The following AFAP1 variants were observed in gnomAD, a reference collection of about 807,000 sequenced individuals.
AFAP1 encodes actin filament associated protein 1, also known as actin filament-associated protein 1.
A neutral mutation model predicts 93.9 loss-of-function variants in AFAP1; 75 were observed. That is an observed-to-expected ratio of 0.80 (90% CI 0.66 to 0.97). AFAP1 has a LOEUF of 0.97. Ranked by LOEUF, AFAP1 falls within the 50% of genes least tolerant of loss-of-function variation. The pLI is 0.00. For synonymous variants in AFAP1, 517 were observed against 430.7 expected (o/e 1.20, Z -2.48); for missense variants, 1,201 against 1,050.8 (o/e 1.14, Z -1.98).
chr4:7,805,193 G>A (rs1406262820), intron 9 of AFAP1, among the ~76,000 whole-genome samples: 1 of 152,162 alleles, frequency 6.6e-6, no homozygotes, highest in Non-Finnish European at 1.5e-5. Context: ...ATGCTACAGT[G>A]CCTGGCTTCG....
At chr4:7,838,393 A>T in intron 6 of AFAP1, 131 bp downstream of exon 6, 1 of 1,087,930 alleles carries the variant, frequency 9.2e-7, no homozygotes, top group Non-Finnish European at 1.3e-6. Flanking sequence ...TTTAGCTATT[A>T]AAGACAAAAC....
chr4:7,787,247 C>T (rs1046582109), intron 11 of AFAP1, among the ~76,000 whole-genome samples: 9 of 152,216 alleles, frequency 5.9e-5, no homozygotes, highest in Non-Finnish European at 1.2e-4. Context: ...GAGCGTGGTG[C>T]GCCCAGCGAG....
chr4:7,814,800 G>A (rs947243431), intron 8 of AFAP1, among the ~76,000 whole-genome samples: 3 of 152,222 alleles, frequency 2.0e-5, no homozygotes, highest in African/African-American at 7.2e-5. Context: ...GGGGGTTAGA[G>A]CCGTGCTCCG....
chr4:7,805,231 T>C (rs1719398287), intron 9 of AFAP1, among the ~76,000 whole-genome samples: 1 of 152,146 alleles, frequency 6.6e-6, no homozygotes, highest in Non-Finnish European at 1.5e-5. Context: ...TGGATTATGA[T>C]ACCAAATGAG....
intron 1 of AFAP1, among the ~76,000 whole-genome samples, chr4:7,937,404 C>T (rs563658967): frequency 6.6e-6 from 1 of 152,188 alleles, no homozygotes; most frequent in Non-Finnish European, 1.5e-5. Context: ...ATGTAGTTTA[C>T]GATCCTCAAA....
intron 6 of AFAP1, among the ~76,000 whole-genome samples, chr4:7,835,501 C>T (rs1712192105): frequency 2.4e-5 from 1 of 40,880 alleles, no homozygotes; most frequent in African/African-American, 7.0e-5. Context: ...GGACTGCGGG[C>T]TGCCTTAAGG....
chr4:7,810,891 C>T (rs181249019), intron 8 of AFAP1, among the ~76,000 whole-genome samples: 2 of 152,352 alleles, frequency 1.3e-5, no homozygotes, highest in Admixed American at 6.5e-5. Flanking sequence ...ATGTCTGCCC[C>T]ATCCCGTCAC....
At chr4:7,785,179 A>G (rs1279858923) in intron 12 of AFAP1, among the ~76,000 whole-genome samples, 3 of 152,170 alleles carry the variant, frequency 2.0e-5, no homozygotes, top group East Asian at 3.9e-4. Flanking sequence ...AGGATGCTCA[A>G]TACGCGGTTG....
At chr4:7,807,502 G>A (rs932443338) in intron 9 of AFAP1, among the ~76,000 whole-genome samples, 2 of 152,206 alleles carry the variant, frequency 1.3e-5, no homozygotes, top group African/African-American at 4.8e-5. Flanking sequence ...AGGGAGGGAA[G>A]GGAGGGTAGT....
In AFAP1 at chr4:7,826,019, A is replaced by G. The variant is rs115449911; in HGVS notation, c.727-6848T>C. Among the ~76,000 whole-genome samples, 353 of 151,768 alleles carry G rather than the reference A, an allele frequency of 2.3e-3. 1 individual carries two copies. Among genetic ancestry groups the G allele is most frequent in the African/African-American group, 8.1e-3 (337 of 41,450 alleles). ...TGAGCAATGAAGATGCAAAAAACCTACATGAACTAAATCCTAAAAGTGAAG... is the reference window on the plus strand; with the variant it reads ...TGAGCAATGAAGATGCAAAAAACCTGCATGAACTAAATCCTAAAAGTGAAG... On this transcript the variant is annotated intron_variant, in intron 6 of 17. Coordinates refer to ENST00000420658, the MANE Select transcript of AFAP1 (RefSeq NM_001134647.2).
chr4:7,772,875 C>T lies in AFAP1; in HGVS notation c.2198G>A (p.Gly733Asp). The change falls in exon 16 of 18, where the codon GGC (glycine) becomes GAC (aspartate). Residue 733 changes from glycine to aspartate, a missense_variant. Physicochemically the swap from Gly to Asp is moderately conservative, Grantham distance 94. Transcript: ENST00000420658. Reference protein sequence around the residue: ...VKESLKKALAGGVTLGLAIEP... With the variant: ...VKESLKKALADGVTLGLAIEP... ...GATGGCCAGCCCCAGGGTGACTCCG[C>T]CCGCCAGCGCTTTCTTCAGGCTCTC... 6.2e-7 allele frequency: 1 copy of T among 1,614,154 alleles called. No homozygotes were observed. The highest frequency in any genetic ancestry group is 8.5e-7 in the Non-Finnish European group (1 of 1,180,040).
intron 1 of AFAP1, among the ~76,000 whole-genome samples, chr4:7,929,378 G>C (rs936716385): frequency 6.6e-6 from 1 of 152,164 alleles, no homozygotes; most frequent in Non-Finnish European, 1.5e-5. Context: ...GGAGGTGACT[G>C]CTTTTCCTCT....
At position 7,821,209 on chromosome 4, in the gene AFAP1, G is replaced by A. The variant is rs1438903681; in HGVS notation, c.727-2038C>T. Among the ~76,000 whole-genome samples, 3 of 152,150 alleles carry A rather than the reference G, an allele frequency of 2.0e-5. No homozygotes were observed. In the East Asian group the frequency reaches 5.8e-4, roughly 29 times the overall value. On this transcript the variant is annotated intron_variant, in intron 6 of 17. Coordinates refer to ENST00000420658, the MANE Select transcript of AFAP1 (RefSeq NM_001134647.2). ...TCAGAGCTTCAGTTTCCTCCCCAGCGAGGGAATAAGTGTGAAGATTACCTG... is the reference window on the plus strand; with the variant it reads ...TCAGAGCTTCAGTTTCCTCCCCAGCAAGGGAATAAGTGTGAAGATTACCTG...
intron 3 of AFAP1, among the ~76,000 whole-genome samples, chr4:7,862,828 C>A (rs573942958): frequency 2.6e-5 from 4 of 152,158 alleles, no homozygotes; most frequent in Non-Finnish European, 5.9e-5. Context: ...AGGAGTCTAG[C>A]TTGCCCTTTT....
chr4:7,804,271 A>G (rs1300910970), intron 9 of AFAP1, among the ~76,000 whole-genome samples: 1 of 152,198 alleles, frequency 6.6e-6, no homozygotes, highest in Non-Finnish European at 1.5e-5. Context: ...CGGGAGCTTC[A>G]AGGCTCACCC....
intron 1 of AFAP1, among the ~76,000 whole-genome samples, chr4:7,904,869 A>G (rs539672863): frequency 6.6e-6 from 1 of 152,070 alleles, no homozygotes; most frequent in African/African-American, 2.4e-5. Flanking sequence ...ACACCTGGCT[A>G]ATTTTTAATT....
At chr4:7,778,923 A>C in intron 13 of AFAP1, 47 bp from the exon 14 acceptor site, 2 of 1,394,822 alleles carry the variant, frequency 1.4e-6, no homozygotes, top group South Asian at 1.3e-5. Context: ...CACAAAGTCA[A>C]ACAAATCTTG....
At chr4:7,783,993 A>C (rs938467708) in intron 12 of AFAP1, among the ~76,000 whole-genome samples, 12 of 152,204 alleles carry the variant, frequency 7.9e-5, no homozygotes, top group Non-Finnish European at 4.4e-5. Flanking sequence ...GGGGTGACAC[A>C]GGGCAAATGG....
chr4:7,886,905 C>CA (rs1477766022), intron 1 of AFAP1, among the ~76,000 whole-genome samples: 8 of 152,220 alleles, frequency 5.3e-5, no homozygotes, highest in Non-Finnish European at 1.0e-4. Context: ...AGTTCAGTAA[C>CA]AAGTTATTAA....
Sources: allele counts gnomAD v4.1 joint callset (sites outside exome capture counted in the v4.1 genomes callset), GRCh38; gene constraint gnomAD v4.1.1; transcripts MANE v1.5; gene names NCBI Gene and HGNC (gene_info 2026-07-23, HGNC 2026-07-21).